GSG1L: variants seen among roughly 807,000 people sequenced by gnomAD.
GSG1L encodes GSG1 like, also known as germ cell-specific gene 1-like protein.
In GSG1L, 24 loss-of-function variants were observed where a neutral mutation model predicts 42.1. The observed-to-expected ratio is 0.57, with a 90% CI of 0.41 to 0.80. The LOEUF (loss-of-function observed/expected upper bound fraction) is 0.80. Ranked by LOEUF, GSG1L falls within the 30% of genes least tolerant of loss-of-function variation. GSG1L has a pLI of 0.00. For synonymous variants in GSG1L, 215 were observed against 203.5 expected (o/e 1.06, Z -0.48); for missense variants, 445 against 472.2 (o/e 0.94, Z 0.53).
intron 2 of GSG1L, among the ~76,000 whole-genome samples, chr16:27,889,855 C>T (rs1567506799): frequency 6.6e-6 from 1 of 152,212 alleles, no homozygotes; most frequent in Non-Finnish European, 1.5e-5. Flanking sequence ...ATAATCTGAT[C>T]TTAGACACAA....
At chr16:27,919,536 C>T (rs2084500653) in intron 2 of GSG1L, among the ~76,000 whole-genome samples, 1 of 152,238 alleles carries the variant, frequency 6.6e-6, no homozygotes, top group Non-Finnish European at 1.5e-5. Context: ...TTGGTCCACA[C>T]CCAGGAGAAG....
intron 1 of GSG1L, among the ~76,000 whole-genome samples, chr16:28,049,918 C>G (rs765965852): frequency 2.0e-5 from 3 of 152,154 alleles, no homozygotes; most frequent in Non-Finnish European, 4.4e-5. Context: ...GGAATTCAAG[C>G]ACTACATCTC....
chr16:27,816,714 C>T (rs1339243730), intron 5 of GSG1L, among the ~76,000 whole-genome samples: 1 of 152,014 alleles, frequency 6.6e-6, no homozygotes, highest in African/African-American at 2.4e-5. Flanking sequence ...GCACAATGGG[C>T]CTTCGTGAGC....
chr16:27,821,216 T>G (rs1363750), intron 5 of GSG1L, among the ~76,000 whole-genome samples: 93,988 of 152,038 alleles, frequency 0.62, 30,126 homozygotes, highest in African/African-American at 0.79. Flanking sequence ...GTTGCCATGC[T>G]GGAACATGGG....
At chr16:27,976,264 A>T (rs1596667563) in intron 1 of GSG1L, among the ~76,000 whole-genome samples, 1 of 152,214 alleles carries the variant, frequency 6.6e-6, no homozygotes, top group East Asian at 1.9e-4. Context: ...AATAAGAGCA[A>T]AACTCCATCT....
intron 1 of GSG1L, among the ~76,000 whole-genome samples, chr16:27,966,114 C>G (rs575026164): frequency 5.4e-4 from 83 of 152,326 alleles, no homozygotes; most frequent in African/African-American, 2.0e-3. Flanking sequence ...ACTCGCATAC[C>G]TGAGTAGTTT....
intron 3 of GSG1L, among the ~76,000 whole-genome samples, chr16:27,883,169 A>G (rs970059106): frequency 2.0e-5 from 3 of 151,214 alleles, no homozygotes; most frequent in Non-Finnish European, 4.4e-5. Context: ...CATGAGGGCA[A>G]GGACTGAGTC....
intron 1 of GSG1L, among the ~76,000 whole-genome samples, chr16:27,999,590 G>C (rs925587290): frequency 3.3e-5 from 5 of 152,118 alleles, no homozygotes; most frequent in Non-Finnish European, 5.9e-5. Context: ...AATATTTATT[G>C]AACATTTTCT....
intron 1 of GSG1L, among the ~76,000 whole-genome samples, chr16:27,993,297 C>T (rs1005935295): frequency 2.0e-5 from 3 of 152,122 alleles, no homozygotes; most frequent in Non-Finnish European, 1.5e-5. Flanking sequence ...TACAGGCATG[C>T]ACCACCATGC....
chr16:27,962,455 A>G lies in GSG1L; in HGVS notation c.397+701T>C, dbSNP rs546828871. Among the ~76,000 whole-genome samples the G allele has an allele frequency of 2.6e-5, 4 of 152,386 alleles. No homozygotes were observed. In the South Asian group the frequency reaches 8.3e-4, roughly 32 times the overall value. On this transcript the variant is annotated intron_variant, in intron 2 of 6. Transcript: ENST00000447459. The stretch of plus-strand genomic sequence containing the variant: ...ACAGTGGGACAACAGAGAGAGTGGC[A>G]GGGGCCAGGATCCTGAGGACTTTGT...
chr16:27,919,655 C>T (rs566128518), intron 2 of GSG1L, among the ~76,000 whole-genome samples: 1 of 152,168 alleles, frequency 6.6e-6, no homozygotes, highest in South Asian at 2.1e-4. Flanking sequence ...AAGCCTGGAC[C>T]GTGTGCCCAG....
At chr16:27,937,246 C>CTT (rs199773933) in intron 2 of GSG1L, among the ~76,000 whole-genome samples, 11 of 146,134 alleles carry the variant, frequency 7.5e-5, no homozygotes, top group South Asian at 4.3e-4. Context: ...GCTCTTCTGC[C>CTT]TTTTTTTTTT....
At chr16:28,025,537 G>A (rs763456349) in intron 1 of GSG1L, among the ~76,000 whole-genome samples, 3 of 152,174 alleles carry the variant, frequency 2.0e-5, no homozygotes, top group East Asian at 1.9e-4. Context: ...CCCTGGCTCC[G>A]CAGGCCCCCA....
intron 1 of GSG1L, among the ~76,000 whole-genome samples, chr16:28,016,367 G>A (rs2085780411): frequency 6.6e-6 from 1 of 152,196 alleles, no homozygotes; most frequent in Admixed American, 6.5e-5. Flanking sequence ...TCTCTGAGGA[G>A]GAAGCAGATG....
chr16:27,861,325 C>T (rs1191844864), intron 3 of GSG1L, among the ~76,000 whole-genome samples: 2 of 151,690 alleles, frequency 1.3e-5, no homozygotes, highest in African/African-American at 4.8e-5. Context: ...TGCAGTGAGC[C>T]GAGATCGCGC....
chr16:27,855,720 A>C (rs908582779), intron 3 of GSG1L, among the ~76,000 whole-genome samples: 2 of 96,588 alleles, frequency 2.1e-5, no homozygotes, highest in African/African-American at 7.6e-5. Flanking sequence ...ACTCAGTCTC[A>C]AAAAAAAAAA....
intron 2 of GSG1L, among the ~76,000 whole-genome samples, chr16:27,947,429 AGAAG>A (rs756666976): frequency 4.1e-5 from 6 of 145,670 alleles, no homozygotes; most frequent in Admixed American, 1.4e-4. Context: ...AGAAAGAAAG[AGAAG>A]GAAGGAAGGA....
At chr16:27,946,637 AAG>A (rs2084872177) in intron 2 of GSG1L, among the ~76,000 whole-genome samples, 1 of 26,238 alleles carries the variant, frequency 3.8e-5, no homozygotes, top group Non-Finnish European at 7.2e-5. Flanking sequence ...GAGAGAAAGA[AAG>A]AAAGAAAGAA....
At chr16:27,879,910 A>G (rs1032850467) in intron 3 of GSG1L, among the ~76,000 whole-genome samples, 1 of 151,172 alleles carries the variant, frequency 6.6e-6, no homozygotes, top group Non-Finnish European at 1.5e-5. Context: ...TGGAATCCAC[A>G]GATGCGGAAC....
Sources: allele counts gnomAD v4.1 joint callset (sites outside exome capture counted in the v4.1 genomes callset), GRCh38; gene constraint gnomAD v4.1.1; transcripts MANE v1.5; gene names NCBI Gene and HGNC (gene_info 2026-07-23, HGNC 2026-07-21).